ENOX1: variants seen among roughly 807,000 people sequenced by gnomAD.
ENOX1 encodes the protein candidate growth-related and time keeping constitutive hydroquinone (NADH) oxidase.
In ENOX1, 42 loss-of-function variants were observed where a neutral mutation model predicts 82.5. The observed-to-expected ratio is 0.51, with a 90% confidence interval of 0.40 to 0.66. The LOEUF (loss-of-function observed/expected upper bound fraction) is 0.66, where lower values mean the gene tolerates loss of function less well. Among genes scored for constraint, ENOX1 ranks in the 30% least tolerant of loss-of-function variants. The pLI, the probability that ENOX1 is intolerant of heterozygous loss-of-function variation, is 0.00. For missense variants in ENOX1, 608 were observed against 811.6 expected (o/e 0.75, Z 3.05); for synonymous variants, 271 against 282.2 (o/e 0.96, Z 0.40).
At chr13:43,501,999 T>A (rs2076998402) in intron 2 of ENOX1, among the ~76,000 whole-genome samples, 1 of 151,122 alleles carries the variant, frequency 6.6e-6, no homozygotes, top group Non-Finnish European at 1.5e-5. Flanking sequence ...TTGCCCAGAC[T>A]AAGAAAAAAA....
intron 12 of ENOX1, among the ~76,000 whole-genome samples, chr13:43,292,776 C>T (rs1452905107): frequency 6.6e-6 from 1 of 151,716 alleles, no homozygotes; most frequent in Admixed American, 6.6e-5. Context: ...CCACTATGGC[C>T]CCTTCACCAC....
At chr13:43,716,495 A>T (rs1216160399) in intron 1 of ENOX1, among the ~76,000 whole-genome samples, 1 of 152,174 alleles carries the variant, frequency 6.6e-6, no homozygotes. Context: ...CTTGAAATTA[A>T]CTTGAAAGTA....
intron 5 of ENOX1, among the ~76,000 whole-genome samples, chr13:43,371,211 C>T (rs539646627): frequency 3.3e-5 from 5 of 152,138 alleles, no homozygotes; most frequent in African/African-American, 9.6e-5. Flanking sequence ...GCTTATGGTG[C>T]GGGAGCAGAC....
intron 8 of ENOX1, among the ~76,000 whole-genome samples, chr13:43,354,857 T>C (rs1294959957): frequency 6.6e-6 from 1 of 152,214 alleles, no homozygotes; most frequent in African/African-American, 2.4e-5. Flanking sequence ...CCTCTTTTTA[T>C]CCTGGGGAAA....
At chr13:43,746,370 T>C (rs931859232) in intron 1 of ENOX1, among the ~76,000 whole-genome samples, 4 of 152,162 alleles carry the variant, frequency 2.6e-5, no homozygotes, top group Admixed American at 6.5e-5. Flanking sequence ...ATAACTGTCA[T>C]GTTAGGAAAA....
chr13:43,559,034 A>G (rs559591947), intron 2 of ENOX1, among the ~76,000 whole-genome samples: 13 of 152,324 alleles, frequency 8.5e-5, no homozygotes, highest in African/African-American at 2.6e-4. Flanking sequence ...AACAAAAAGG[A>G]TGACACAAAC....
chr13:43,539,796 CCT>C (rs2078630682), intron 2 of ENOX1, among the ~76,000 whole-genome samples: 1 of 152,234 alleles, frequency 6.6e-6, no homozygotes, highest in East Asian at 1.9e-4. Context: ...TCCTGTTTCT[CCT>C]CTTAGTTCTG....
chr13:43,518,441 C>G (rs577465652), intron 2 of ENOX1, among the ~76,000 whole-genome samples: 2 of 151,954 alleles, frequency 1.3e-5, no homozygotes, highest in African/African-American at 4.8e-5. Flanking sequence ...CTTTTCAGTG[C>G]CCCCCAGCAG....
chr13:43,580,574 G>A lies in ENOX1; in HGVS notation c.-219+86905C>T, dbSNP rs558875166. Among the ~76,000 whole-genome samples, 39 of 152,312 alleles carry A rather than the reference G, an allele frequency of 2.6e-4. 1 individual carries two copies. In the South Asian group the frequency reaches 8.1e-3, roughly 32 times the overall value. On this transcript the variant is annotated intron_variant, in intron 2 of 16. Transcript: ENST00000690772. ...CACCTCCCCTACAAAAGACTTTGAT[G>A]TCAGTGTGTGTCAGCCTCAGTTAAG...
chr13:43,655,781 G>A (rs570688147), intron 2 of ENOX1, among the ~76,000 whole-genome samples: 134 of 152,210 alleles, frequency 8.8e-4, no homozygotes, highest in Non-Finnish European at 1.7e-3. Context: ...CAGATAGCAG[G>A]ACAAACTCTT....
chr13:43,437,585 G>A (rs1286235920), intron 3 of ENOX1, among the ~76,000 whole-genome samples: 1 of 152,150 alleles, frequency 6.6e-6, no homozygotes, highest in Non-Finnish European at 1.5e-5. Context: ...AAAGATACAG[G>A]ATGAGACTGA....
intron 7 of ENOX1, among the ~76,000 whole-genome samples, chr13:43,358,761 A>C (rs1296861962): frequency 6.6e-6 from 1 of 152,172 alleles, no homozygotes; most frequent in African/African-American, 2.4e-5. Flanking sequence ...AGGCCGTGAA[A>C]CCCAGTGCCA....
At chr13:43,639,746 T>C (rs957475981) in intron 2 of ENOX1, among the ~76,000 whole-genome samples, 3 of 152,184 alleles carry the variant, frequency 2.0e-5, no homozygotes, top group Non-Finnish European at 2.9e-5. Context: ...AATAAAAATC[T>C]TGGCCGGGCA....
At chr13:43,771,331 C>T (rs1951587591) in intron 1 of ENOX1, among the ~76,000 whole-genome samples, 1 of 152,128 alleles carries the variant, frequency 6.6e-6, no homozygotes, top group Non-Finnish European at 1.5e-5. Flanking sequence ...TAGGTATCCA[C>T]ATCTTTTTTT....
intron 11 of ENOX1, among the ~76,000 whole-genome samples, chr13:43,320,060 A>C (rs572109157): frequency 8.3e-4 from 127 of 152,336 alleles, no homozygotes; most frequent in African/African-American, 3.0e-3. Flanking sequence ...TGAACAAAAG[A>C]CCAGATGGGA....
chr13:43,353,591 T>C (rs2049951551), intron 8 of ENOX1, among the ~76,000 whole-genome samples: 3 of 152,202 alleles, frequency 2.0e-5, no homozygotes, highest in Non-Finnish European at 4.4e-5. Context: ...TGCAACATTA[T>C]AAGGAGCATG....
chr13:43,486,317 G>A (rs2076414476), intron 2 of ENOX1, among the ~76,000 whole-genome samples: 1 of 152,052 alleles, frequency 6.6e-6, no homozygotes, highest in African/African-American at 2.4e-5. Flanking sequence ...CCAGGAGGTG[G>A]AGGCTGCAGT....
At chr13:43,245,101 AT>A (rs1390290814) in intron 14 of ENOX1, among the ~76,000 whole-genome samples, 1 of 152,172 alleles carries the variant, frequency 6.6e-6, no homozygotes, top group African/African-American at 2.4e-5. Flanking sequence ...ACTTTCCTTT[AT>A]GGGCACATAG....
chr13:43,443,455 C>A (rs951380355), intron 3 of ENOX1, among the ~76,000 whole-genome samples: 1 of 152,154 alleles, frequency 6.6e-6, no homozygotes, highest in South Asian at 2.1e-4. Context: ...ATTAAAAGAG[C>A]TGGCACTGAC....
Sources: allele counts gnomAD v4.1 joint callset (sites outside exome capture counted in the v4.1 genomes callset), GRCh38; gene constraint gnomAD v4.1.1; transcripts MANE v1.5; gene names NCBI Gene and HGNC (gene_info 2026-07-23, HGNC 2026-07-21).